The following NCAM2 variants were observed in gnomAD, a reference collection of about 807,000 sequenced individuals.
NCAM2 encodes neural cell adhesion molecule 2, also known as N-CAM-2.
NCAM2 carries 30 observed loss-of-function variants against 98.1 expected under a neutral mutation model. That is an observed-to-expected ratio of 0.31 (90% CI 0.23 to 0.41). The LOEUF is 0.41. Ranked by LOEUF, NCAM2 falls within the 10% of genes least tolerant of loss-of-function variation. The pLI is 1.00. For synonymous variants in NCAM2, 368 were observed against 342.4 expected (o/e 1.07, Z -0.83); for missense variants, 867 against 1,005.8 (o/e 0.86, Z 1.87).
At chr21:21,220,301 T>C (rs1275506438) in intron 1 of NCAM2, among the ~76,000 whole-genome samples, 1 of 152,160 alleles carries the variant, frequency 6.6e-6, no homozygotes, top group Non-Finnish European at 1.5e-5. Flanking sequence ...ATAGGCATAT[T>C]ATTTTTTCTT....
At chr21:21,512,812 G>C (rs1483423643) in intron 16 of NCAM2, among the ~76,000 whole-genome samples, 4 of 151,852 alleles carry the variant, frequency 2.6e-5, no homozygotes, top group African/African-American at 9.7e-5. Context: ...ATTCACTTAA[G>C]TTAATTCCTA....
In NCAM2 at chr21:21,500,127, A is replaced by G. The variant is rs188656577; in HGVS notation, c.2078-8724A>G. On this transcript the variant is annotated intron_variant, in intron 15 of 17. Transcript: ENST00000400546. Reference sequence around the variant, plus strand: ...AAGTTTTCTAGAAGGAAGGAAGAATATAAAATTCAATCATGGTTGCTGTTG... The same window carrying G: ...AAGTTTTCTAGAAGGAAGGAAGAATGTAAAATTCAATCATGGTTGCTGTTG... Among the ~76,000 whole-genome samples, 128 of 152,302 alleles carry G rather than the reference A, an allele frequency of 8.4e-4. 3 individuals carry two copies. In the East Asian group the frequency reaches 0.023, roughly 27 times the overall value.
chr21:21,520,846 C>T (rs577298590), intron 16 of NCAM2, among the ~76,000 whole-genome samples: 42 of 151,864 alleles, frequency 2.8e-4, no homozygotes, highest in East Asian at 1.9e-3. Flanking sequence ...GGTAGAGGCT[C>T]GATGTGGACA....
intron 15 of NCAM2, among the ~76,000 whole-genome samples, chr21:21,501,516 TATTA>T (rs1215725146): frequency 2.0e-5 from 3 of 152,040 alleles, no homozygotes; most frequent in African/African-American, 4.8e-5. Context: ...ATGTTAATTT[TATTA>T]ATTCTATTTT....
chr21:21,300,049 G>A (rs950016289), intron 5 of NCAM2, among the ~76,000 whole-genome samples: 2 of 151,858 alleles, frequency 1.3e-5, no homozygotes, highest in Non-Finnish European at 2.9e-5. Flanking sequence ...TGCTGTATTG[G>A]TATTTTAAAT....
In NCAM2 at chr21:21,175,637, G is replaced by A. The variant is rs59404256; in HGVS notation, c.56-104941G>A. Among the ~76,000 whole-genome samples, 1,542 of 152,352 alleles carry A rather than the reference G, an allele frequency of 0.01. 67 individuals are homozygous for A. The East Asian group carries it at 0.16, about 16-fold the overall frequency. On this transcript the variant is annotated intron_variant, in intron 1 of 17. Coordinates refer to ENST00000400546, the MANE Select transcript of NCAM2 (RefSeq NM_004540.5). ...GCTTTGGAATTAGTGAGGAGGGCAT[G>A]TAGAAACCGTTAAGGGTTTAGTTGT...
chr21:21,495,768 C>T (rs752308576), intron 15 of NCAM2, among the ~76,000 whole-genome samples: 17 of 151,960 alleles, frequency 1.1e-4, no homozygotes, highest in Non-Finnish European at 1.3e-4. Flanking sequence ...GGACTCCTTA[C>T]GTCAAATGGG....
rs189909414 is a variant in NCAM2, at chr21:21,402,178, G to A, written c.1196-8096G>A. Among the ~76,000 whole-genome samples the A allele has an allele frequency of 4.5e-3, 689 of 152,250 alleles. 4 individuals are homozygous for A. Among genetic ancestry groups the A allele is most frequent in the Middle Eastern group, 0.01 (3 of 294 alleles). On this transcript the variant is annotated intron_variant, in intron 9 of 17. Coordinates refer to ENST00000400546, the MANE Select transcript of NCAM2 (RefSeq NM_004540.5). ...AAGGTCTGACTGCCTGCAGGGTTGG[G>A]CAAAAACAGCCATATTTTTCTTCTT...
chr21:21,428,156 G>T (rs1221840145), intron 11 of NCAM2, among the ~76,000 whole-genome samples: 1 of 152,122 alleles, frequency 6.6e-6, no homozygotes, highest in Non-Finnish European at 1.5e-5. Flanking sequence ...ATAAGTATTT[G>T]CACAATTGCT....
intron 1 of NCAM2, among the ~76,000 whole-genome samples, chr21:21,100,485 C>T (rs1601367338): frequency 1.3e-5 from 2 of 151,750 alleles, no homozygotes; most frequent in Admixed American, 6.6e-5. Context: ...AACATGATGC[C>T]GTGTAGAAAC....
intron 12 of NCAM2, among the ~76,000 whole-genome samples, chr21:21,441,303 G>A (rs1979232468): frequency 6.6e-6 from 1 of 152,040 alleles, no homozygotes; most frequent in Non-Finnish European, 1.5e-5. Context: ...CATTTGTCAC[G>A]AGACCTCAAG....
At chr21:21,401,146 C>T (rs1234572338) in intron 9 of NCAM2, among the ~76,000 whole-genome samples, 1 of 152,134 alleles carries the variant, frequency 6.6e-6, no homozygotes, top group Non-Finnish European at 1.5e-5. Flanking sequence ...GCACCAGCCA[C>T]AAATTTTATT....
chr21:21,166,591 C>T (rs559717413), intron 1 of NCAM2, among the ~76,000 whole-genome samples: 38 of 152,186 alleles, frequency 2.5e-4, no homozygotes, highest in African/African-American at 9.2e-4. Flanking sequence ...ATAGATGTAA[C>T]CAGAACAATA....
intron 1 of NCAM2, among the ~76,000 whole-genome samples, chr21:21,123,284 C>T (rs2066714300): frequency 1.3e-5 from 2 of 151,868 alleles, no homozygotes; most frequent in Non-Finnish European, 2.9e-5. Flanking sequence ...GTCCCAGCTA[C>T]TCGGGAGGCT....
At chr21:21,327,198 C>T (rs961394768) in intron 6 of NCAM2, among the ~76,000 whole-genome samples, 3 of 150,160 alleles carry the variant, frequency 2.0e-5, no homozygotes, top group African/African-American at 7.4e-5. Flanking sequence ...GTCCCAGCTA[C>T]TCTGGAGGCT....
intron 1 of NCAM2, among the ~76,000 whole-genome samples, chr21:21,273,637 A>G (rs998052431): frequency 6.6e-6 from 1 of 151,764 alleles, no homozygotes; most frequent in Non-Finnish European, 1.5e-5. Flanking sequence ...AGGACAGAAT[A>G]AAAAACAAAG....
intron 1 of NCAM2, among the ~76,000 whole-genome samples, chr21:21,012,686 T>C (rs904648843): frequency 2.0e-5 from 3 of 152,190 alleles, no homozygotes. Context: ...TTTCCTTTTA[T>C]TGCATTTCAC....
rs1265866472 is a variant in NCAM2, at chr21:21,538,497, A to G, written c.*540A>G. ...GAGCCAGTTATCTTTAGCAGATATTAAAAATTGAAAACTTTGGAGAACTCA... is the reference window on the plus strand; with the variant it reads ...GAGCCAGTTATCTTTAGCAGATATTGAAAATTGAAAACTTTGGAGAACTCA... On this transcript the variant is annotated 3_prime_UTR_variant, in exon 18 of 18. Coordinates refer to ENST00000400546, the MANE Select transcript of NCAM2 (RefSeq NM_004540.5). 1.3e-5 allele frequency: 2 copies of G among 152,606 alleles called. No individual in the cohort carries two copies. Among genetic ancestry groups the G allele is most frequent in the Admixed American group, 6.5e-5 (1 of 15,270 alleles). 9.5% of individuals were successfully genotyped at this position (152,606 alleles called of 1,614,324 possible).
chr21:21,399,246 T>C (rs2076578570), intron 9 of NCAM2, among the ~76,000 whole-genome samples: 2 of 152,340 alleles, frequency 1.3e-5, no homozygotes, highest in South Asian at 2.1e-4. Context: ...TGAGCGTTAT[T>C]AAATTATTCT....
Sources: allele counts gnomAD v4.1 joint callset (sites outside exome capture counted in the v4.1 genomes callset), GRCh38; gene constraint gnomAD v4.1.1; transcripts MANE v1.5; gene names NCBI Gene and HGNC (gene_info 2026-07-23, HGNC 2026-07-21).